Variants in SV2C observed in about 807,000 individuals in gnomAD.
SV2C encodes the protein solute carrier family 22 member B3.
A neutral mutation model predicts 79.7 loss-of-function variants in SV2C; 49 were observed. The observed-to-expected ratio is 0.61, with a 90% CI of 0.49 to 0.78. The LOEUF is 0.78. Among genes scored for constraint, SV2C ranks in the 30% least tolerant of loss-of-function variants. SV2C has a pLI of 0.00. For synonymous variants in SV2C, 334 were observed against 333.2 expected (o/e 1.00, Z -0.03); for missense variants, 833 against 912.9 (o/e 0.91, Z 1.13).
intron 4 of SV2C, among the ~76,000 whole-genome samples, chr5:76,252,309 TG>T (rs1746138700): frequency 6.6e-6 from 1 of 152,152 alleles, no homozygotes; most frequent in Non-Finnish European, 1.5e-5. Flanking sequence ...TTAGTAGAGA[TG>T]GGGTTTTGCC....
the SV2C span, among the ~76,000 whole-genome samples, chr5:75,945,344 TCTCA>T: frequency 9.2e-5 from 14 of 151,584 alleles, no homozygotes; most frequent in East Asian, 1.9e-4. Context: ...TGACACAGAG[TCTCA>T]CTCTGTCATC....
At chr5:76,011,046 C>T in the SV2C span, among the ~76,000 whole-genome samples, 11 of 152,078 alleles carry the variant, frequency 7.2e-5, no homozygotes, top group Admixed American at 5.2e-4. Flanking sequence ...CCACACCCAC[C>T]AATGTGGCAA....
rs117143526 is a variant in SV2C, at chr5:76,229,232, A to G, written c.913+19345A>G. On this transcript the variant is annotated intron_variant, in intron 4 of 12. Transcript: ENST00000502798. ...ATCCTCACCCTGGTGCGGGACGGCCATGTGGCCATTCAGAGTTCTTCCTAC... is the reference window on the plus strand; with the variant it reads ...ATCCTCACCCTGGTGCGGGACGGCCGTGTGGCCATTCAGAGTTCTTCCTAC... Among the ~76,000 whole-genome samples, 333 of 152,322 alleles carry G rather than the reference A, an allele frequency of 2.2e-3. 13 individuals carry two copies. The East Asian group carries it at 0.063, about 29-fold the overall frequency.
upstream of SV2C, chr5:76,078,946 G>T: frequency 1.9e-6 from 1 of 525,684 alleles, no homozygotes; most frequent in Admixed American, 2.1e-5. Context: ...TTCAAACAAT[G>T]TAGAAAAAAG....
At chr5:76,251,625 G>T (rs536339072) in intron 4 of SV2C, among the ~76,000 whole-genome samples, 8 of 152,112 alleles carry the variant, frequency 5.3e-5, no homozygotes, top group Non-Finnish European at 1.2e-4. Flanking sequence ...GATTCCAGTG[G>T]TCTGGATGGA....
chr5:76,205,644 G>A (rs183509457), intron 3 of SV2C, among the ~76,000 whole-genome samples: 195 of 152,182 alleles, frequency 1.3e-3, no homozygotes, highest in African/African-American at 4.3e-3. Flanking sequence ...CGAACACTAA[G>A]GTCTCCACGT....
chr5:76,353,179 A>G (rs758888971), exon 13 of SV2C: 7 of 434,576 alleles, frequency 1.6e-5, no homozygotes, highest in South Asian at 1.1e-4. Flanking sequence ...TCCTGGCCTC[A>G]AGCAATCCTC....
At chr5:76,084,551 C>CG (rs1747108139) in intron 1 of SV2C, among the ~76,000 whole-genome samples, 1 of 72,648 alleles carries the variant, frequency 1.4e-5, no homozygotes, top group South Asian at 3.9e-4. Context: ...TGTGGGCGTG[C>CG]GGGGACCTTA....
chr5:76,271,687 T>C (rs1250092035), intron 4 of SV2C, among the ~76,000 whole-genome samples: 1 of 147,194 alleles, frequency 6.8e-6, no homozygotes, highest in Non-Finnish European at 1.5e-5. Flanking sequence ...CAGGCTAGTC[T>C]CGAACTCCTG....
the SV2C span, among the ~76,000 whole-genome samples, chr5:76,033,082 T>C: frequency 6.6e-6 from 1 of 152,160 alleles, no homozygotes; most frequent in Non-Finnish European, 1.5e-5. Flanking sequence ...TTGTCCACTT[T>C]TTGATGGGGT....
chr5:76,295,745 C>A, intron 8 of SV2C, 33 bp from the exon 9 acceptor site: 1 of 1,591,874 alleles, frequency 6.3e-7, no homozygotes, highest in Non-Finnish European at 8.5e-7. Flanking sequence ...CATGCTAGTG[C>A]CTTTACAAAC....
intron 2 of SV2C, among the ~76,000 whole-genome samples, chr5:76,172,956 C>A (rs1324360085): frequency 6.5e-5 from 8 of 123,780 alleles, no homozygotes; most frequent in African/African-American, 2.5e-4. Flanking sequence ...GACCTTTGTT[C>A]ACTTGTTTAT....
chr5:76,284,273 T>C (rs1013748334), intron 4 of SV2C, among the ~76,000 whole-genome samples: 1 of 151,730 alleles, frequency 6.6e-6, no homozygotes, highest in African/African-American at 2.4e-5. Context: ...TTTTCTATTA[T>C]ATAAAAATTT....
intron 12 of SV2C, among the ~76,000 whole-genome samples, chr5:76,302,665 T>C (rs1290324692): frequency 2.1e-5 from 3 of 146,000 alleles, no homozygotes; most frequent in African/African-American, 5.1e-5. Context: ...TTGCTCCCAA[T>C]ATGGAAACAC....
chr5:75,855,434 G>C, the SV2C span, among the ~76,000 whole-genome samples: 1 of 152,002 alleles, frequency 6.6e-6, no homozygotes, highest in Middle Eastern at 3.2e-3. Context: ...CTACATACAG[G>C]TATACCTCAT....
chr5:76,058,379 C>T, the SV2C span, among the ~76,000 whole-genome samples: 3 of 152,108 alleles, frequency 2.0e-5, no homozygotes, highest in Non-Finnish European at 2.9e-5. Flanking sequence ...TGCAACACTT[C>T]GGTGTTCTAC....
chr5:76,205,919 G>A (rs114062325), intron 3 of SV2C, among the ~76,000 whole-genome samples: 199 of 152,194 alleles, frequency 1.3e-3, no homozygotes, highest in Non-Finnish European at 2.2e-3. Flanking sequence ...CAACCTAAAG[G>A]TCTCCAGACA....
At chr5:76,162,685 G>A (rs1244532268) in intron 2 of SV2C, among the ~76,000 whole-genome samples, 2 of 152,140 alleles carry the variant, frequency 1.3e-5, no homozygotes, top group Non-Finnish European at 2.9e-5. Context: ...CAGATAATTG[G>A]GTAGCAGTGA....
At chr5:75,900,701 T>C in the SV2C span, among the ~76,000 whole-genome samples, 30 of 152,198 alleles carry the variant, frequency 2.0e-4, no homozygotes, top group Non-Finnish European at 4.0e-4. Context: ...TCACATGTAG[T>C]ACACCAATCT....
Sources: gnomAD v4.1 joint callset for allele counts (sites outside exome capture counted in the v4.1 genomes callset) on GRCh38, gnomAD v4.1.1 for gene constraint, MANE v1.5 for transcripts, NCBI Gene and HGNC (gene_info 2026-07-23, HGNC 2026-07-21) for gene names.